The following TOLLIP variants were observed in gnomAD, a reference collection of about 807,000 sequenced individuals.
TOLLIP encodes toll interacting protein.
A neutral mutation model predicts 33.5 loss-of-function variants in TOLLIP; 16 were observed. The ratio of observed to expected loss-of-function variants is 0.48; its 90% CI spans 0.32 to 0.72. TOLLIP has a LOEUF of 0.72. TOLLIP is among the 30% of genes least tolerant of loss of function. TOLLIP has a pLI of 0.03. For missense variants in TOLLIP, 325 were observed against 396.6 expected (o/e 0.82, Z 1.53); for synonymous variants, 176 against 163.7 (o/e 1.07, Z -0.57).
chr11:1,306,555 A>G (rs1019273659), intron 1 of TOLLIP, among the ~76,000 whole-genome samples: 4 of 152,108 alleles, frequency 2.6e-5, no homozygotes, highest in Non-Finnish European at 4.4e-5. Flanking sequence ...AGAGGACATG[A>G]TAAATACTGT....
Position 1,290,009 on chromosome 11 carries a change from G to A in TOLLIP, c.366+218C>T, listed in dbSNP as rs1203321060. 8.8e-6 allele frequency: 5 copies of A among 567,934 alleles called. No homozygotes were observed. Among genetic ancestry groups the A allele is most frequent in the East Asian group, 8.8e-5 (3 of 34,240 alleles). The allele number at this position is 567,934 out of a possible 1,614,324, so 35.2% of individuals were successfully genotyped here. On this transcript the variant is annotated intron_variant, in intron 3 of 5. Coordinates refer to ENST00000317204, the MANE Select transcript of TOLLIP (RefSeq NM_019009.4). The surrounding 1 kb of genome is among the most constrained non-coding windows in gnomAD (Gnocchi z 4.9). ...ATCCCTGGGTCATGCTTGTCACTGG[G>A]GATGTTTCCAAATGTAAGTATGTTC...
chr11:1,288,210 C>G (rs1863810015), intron 4 of TOLLIP, among the ~76,000 whole-genome samples: 1 of 152,208 alleles, frequency 6.6e-6, no homozygotes, highest in African/African-American at 2.4e-5. Context: ...CGGCCAATGC[C>G]TGCCCTGTGG....
Position 1,309,581 on chromosome 11 carries a change from G to C in TOLLIP, c.-83C>G. ...CTGCGCCCCCGCCGGAGCCTGCGAC[G>C]GAGACAGTTGTCACCTCGAGGCCGC... On this transcript the variant is annotated 5_prime_UTR_variant, in exon 1 of 6. Transcript: ENST00000317204. The C allele has an allele frequency of 1.4e-6, 1 of 718,814 alleles. No homozygotes were observed. Among genetic ancestry groups the C allele is most frequent in the Non-Finnish European group, 1.9e-6 (1 of 519,980 alleles). The allele number at this position is 718,814 out of a possible 1,614,324, so 44.5% of individuals were successfully genotyped here. A position where few individuals can be genotyped will look rare whatever the true frequency, so the allele number is the denominator to read the frequency against.
chr11:1,287,802 CCTCCCCGCCGCAG>C lies in TOLLIP; in HGVS notation c.519+809_519+821del. ...CCCCGCCGCACCCTCCCTGCCGCAGCCTCCCCGCCGCAGCCTCCCCGCCGCACCCTCCCCGCCG... is the reference window on the plus strand; with the variant it reads ...CCCCGCCGCACCCTCCCTGCCGCAGCCCTCCCCGCCGCACCCTCCCCGCCG... On this transcript the variant is annotated intron_variant, in intron 4 of 5. Transcript: ENST00000317204. 7.6e-5 allele frequency among the ~76,000 whole-genome samples: 3 copies of C among 39,526 alleles called. 1 individual carries two copies. The highest frequency in any genetic ancestry group is 2.2e-4 in the African/African-American group (2 of 8,968). 25.9% of individuals were successfully genotyped at this position (39,526 alleles called of 152,430 possible). A position where few individuals can be genotyped will look rare whatever the true frequency, so the allele number is the denominator to read the frequency against.
At chr11:1,288,342 G>A (rs1564970673) in intron 4 of TOLLIP, among the ~76,000 whole-genome samples, 1 of 152,128 alleles carries the variant, frequency 6.6e-6, no homozygotes, top group Admixed American at 6.5e-5. Context: ...ACAGGGGCCT[G>A]CAGTGGAGAC....
intron 2 of TOLLIP, among the ~76,000 whole-genome samples, chr11:1,292,422 C>T (rs1030153009): frequency 2.0e-5 from 3 of 152,242 alleles, no homozygotes; most frequent in Non-Finnish European, 4.4e-5. Flanking sequence ...CCAGCATGCC[C>T]GTGCCTGTCA....
rs773956914 is a variant in TOLLIP at position 1,277,009 on chromosome 11, C to T, written c.*30G>A. The T allele has an allele frequency of 8.7e-6, 14 of 1,604,460 alleles. No homozygotes were observed. The highest frequency in any genetic ancestry group is 2.2e-5 in the South Asian group (2 of 90,592). ...GCGCCGGGTCGGCGTGTCCAAAGAG[C>T]GGGGGCAAAACGGCATCGAGGCAGA... On this transcript the variant is annotated 3_prime_UTR_variant, in exon 6 of 6. Coordinates refer to ENST00000317204, the MANE Select transcript of TOLLIP (RefSeq NM_019009.4). This position sits in a 1 kb window ranked among gnomAD's most constrained non-coding sequence, Gnocchi z 4.2.
At position 1,303,453 on chromosome 11, in the gene TOLLIP, C is replaced by A. The variant is rs1159202149; in HGVS notation, c.33+6013G>T. On this transcript the variant is annotated intron_variant, in intron 1 of 5. Coordinates refer to ENST00000317204, the MANE Select transcript of TOLLIP (RefSeq NM_019009.4). The surrounding 1 kb of genome is among the most constrained non-coding windows in gnomAD (Gnocchi z 4.2). The stretch of plus-strand genomic sequence containing the variant: ...CTTCCATGGTGAGGTGCTGGGGCAC[C>A]CCTGCTCCTGGGATGCTTACACGTG... Among the ~76,000 whole-genome samples the A allele has an allele frequency of 6.6e-6, 1 of 152,208 alleles. No individual in the cohort carries two copies. Among genetic ancestry groups the A allele is most frequent in the Non-Finnish European group, 1.5e-5 (1 of 68,036 alleles).
rs1205775869 is a variant in TOLLIP at position 1,303,217 on chromosome 11, T to C, written c.33+6249A>G. 6.6e-6 allele frequency among the ~76,000 whole-genome samples: 1 copy of C among 152,162 alleles called. No homozygotes were observed. Among genetic ancestry groups the C allele is most frequent in the Non-Finnish European group, 1.5e-5 (1 of 68,018 alleles). On this transcript the variant is annotated intron_variant, in intron 1 of 5. Transcript: ENST00000317204. This position sits in a 1 kb window ranked among gnomAD's most constrained non-coding sequence, Gnocchi z 4.2. ...ATGGGGTCTCTGCCAGGAACTCCAC[T>C]GCAGGCAGCCTTGCATCCTAAGTGC... is the stretch of plus-strand genomic sequence containing the variant.
At chr11:1,292,196 T>A (rs1309746499) in intron 2 of TOLLIP, 1 of 152,250 alleles carries the variant, frequency 6.6e-6, no homozygotes. Flanking sequence ...ATCTGCTAGA[T>A]CAGCTCTTAC....
At chr11:1,292,718 C>T (rs1863988922) in intron 2 of TOLLIP, among the ~76,000 whole-genome samples, 1 of 152,140 alleles carries the variant, frequency 6.6e-6, no homozygotes, top group Non-Finnish European at 1.5e-5. Flanking sequence ...AAGAGACGCA[C>T]GTCAGACAGC....
chr11:1,300,592 C>T (rs999462137), intron 1 of TOLLIP, among the ~76,000 whole-genome samples: 4 of 152,210 alleles, frequency 2.6e-5, no homozygotes, highest in Non-Finnish European at 4.4e-5. Context: ...CGGAGAGAGC[C>T]GCTGCTTCCT....
At chr11:1,297,487 C>T (rs1015543179) in intron 1 of TOLLIP, among the ~76,000 whole-genome samples, 1 of 152,264 alleles carries the variant, frequency 6.6e-6, no homozygotes, top group African/African-American at 2.4e-5. Context: ...TCGGGAAGCT[C>T]TCTGCAGGCT....
At position 1,290,056 on chromosome 11, in the gene TOLLIP, T is replaced by C; in HGVS notation, c.366+171A>G. 1 of 628,724 alleles carries C rather than the reference T, an allele frequency of 1.6e-6. No homozygotes were observed. The highest frequency in any genetic ancestry group is 2.8e-5 in the East Asian group (1 of 36,116). 38.9% of individuals were successfully genotyped at this position (628,724 alleles called of 1,614,324 possible). A position where few individuals can be genotyped will look rare whatever the true frequency, so the allele number is the denominator to read the frequency against. On this transcript the variant is annotated intron_variant, in intron 3 of 5. Coordinates refer to ENST00000317204, the MANE Select transcript of TOLLIP (RefSeq NM_019009.4). This position sits in a 1 kb window ranked among gnomAD's most constrained non-coding sequence, Gnocchi z 4.9. ...GTTCAAGGAGCTGGAAACAATCCCT[T>C]TTTCACATTCCTTGGGGAGAGCAGG... is the stretch of plus-strand genomic sequence containing the variant.
At chr11:1,308,871 C>T (rs1864497078) in intron 1 of TOLLIP, among the ~76,000 whole-genome samples, 1 of 151,984 alleles carries the variant, frequency 6.6e-6, no homozygotes, top group Admixed American at 6.6e-5. Flanking sequence ...GTGCGGGACC[C>T]GCCTCCACCT....
chr11:1,293,133 A>C (rs1257081289), intron 2 of TOLLIP, among the ~76,000 whole-genome samples: 2 of 152,230 alleles, frequency 1.3e-5, no homozygotes, highest in Non-Finnish European at 2.9e-5. Flanking sequence ...AGAGGTGGAC[A>C]TGAACCTGGA....
chr11:1,280,690 C>A (rs1863468185), intron 5 of TOLLIP, among the ~76,000 whole-genome samples: 1 of 152,060 alleles, frequency 6.6e-6, no homozygotes, highest in Non-Finnish European at 1.5e-5. Context: ...CCCCACTTTC[C>A]AGGCCGATTC....
rs1254512967 is a variant in TOLLIP, at chr11:1,278,355, G to A, written c.611-1102C>T. 3.9e-5 allele frequency among the ~76,000 whole-genome samples: 6 copies of A among 152,178 alleles called. No individual in the cohort carries two copies. Among genetic ancestry groups the A allele is most frequent in the African/African-American group, 2.4e-5 (1 of 41,438 alleles). On this transcript the variant is annotated intron_variant, in intron 5 of 5. Coordinates refer to ENST00000317204, the MANE Select transcript of TOLLIP (RefSeq NM_019009.4). The surrounding 1 kb of genome is among the most constrained non-coding windows in gnomAD (Gnocchi z 4.7). ...GAACCATCTCCCAGCTAGGATCACTGGAGCGCTAGAGCCCCAATCTTAGGA... is the reference window on the plus strand; with the variant it reads ...GAACCATCTCCCAGCTAGGATCACTAGAGCGCTAGAGCCCCAATCTTAGGA...
At chr11:1,283,364 A>G in intron 5 of TOLLIP, 1 of 350,434 alleles carries the variant, frequency 2.9e-6, no homozygotes, top group Non-Finnish European at 5.6e-6. Flanking sequence ...GATGCTGCGG[A>G]CTCAGACGGG....
Sources: gnomAD v4.1 joint callset for allele counts (sites outside exome capture counted in the v4.1 genomes callset) on GRCh38, gnomAD v4.1.1 for gene constraint, Gnocchi (gnomAD v3.1) non-coding constraint, MANE v1.5 for transcripts, NCBI Gene and HGNC (gene_info 2026-07-23, HGNC 2026-07-21) for gene names.